Variants in MAST3 observed in about 807,000 individuals in gnomAD.
MAST3 encodes microtubule associated serine/threonine kinase 3.
In MAST3, 43 loss-of-function variants were observed where a neutral mutation model predicts 127.0. That is an observed-to-expected ratio of 0.34 (90% CI 0.27 to 0.44). The LOEUF is 0.44. Among genes scored for constraint, MAST3 ranks in the 20% least tolerant of loss-of-function variants. MAST3 has a pLI of 1.00. For synonymous variants in MAST3, 785 were observed against 809.2 expected (o/e 0.97, Z 0.51); for missense variants, 1,390 against 1,919.1 (o/e 0.72, Z 5.15).
At chr19:18,127,269 C>T (rs567111400) in intron 11 of MAST3, among the ~76,000 whole-genome samples, 2 of 148,498 alleles carry the variant, frequency 1.3e-5, no homozygotes, top group South Asian at 2.2e-4. Context: ...CATACTTGGC[C>T]GGGTGCGGTG....
At chr19:18,140,270 C>T (rs560499026) in intron 20 of MAST3, among the ~76,000 whole-genome samples, 2 of 109,914 alleles carry the variant, frequency 1.8e-5, no homozygotes, top group Admixed American at 2.0e-4. Flanking sequence ...CCCAGCTACT[C>T]GGGAGGCTGA....
rs751916877 is a variant in MAST3 at position 18,121,854 on chromosome 19, C to T, written c.252C>T (p.Gly84=). ...RPLSPLSVPT[G]SSPLDSPRNF... is the part of the protein sequence containing the mutation. ...GTTTCCCCGCCTCCTCCTCAGCAGG[C>T]AGCAGCCCCTTGGATAGTCCTCGGA... The change falls in exon 5 of 28, where the codon GGC becomes GGT. Residue 84 remains glycine (G), a splice_region_variant and synonymous_variant. Coordinates refer to ENST00000687212, the MANE Select transcript of MAST3 (RefSeq NM_001393504.1). 1.9e-6 allele frequency: 3 copies of T among 1,614,028 alleles called. No homozygotes were observed. Among genetic ancestry groups the T allele is most frequent in the Non-Finnish European group, 2.5e-6 (3 of 1,179,894 alleles).
intron 17 of MAST3, among the ~76,000 whole-genome samples, chr19:18,135,286 G>A (rs2041776080): frequency 6.6e-6 from 1 of 152,036 alleles, no homozygotes; most frequent in Admixed American, 6.6e-5. Context: ...ACAACATGGT[G>A]AAACCCCATC....
rs573739665 is a variant in MAST3 at position 18,123,365 on chromosome 19, G to A, written c.548G>A (p.Arg183His). Residue 183 changes from arginine to histidine, a missense_variant, in exon 7 of 28, where the codon CGC (arginine) becomes CAC (histidine). This residue lies in a region of MAST3 where 277 missense variants were observed against 384.8 expected (regional missense o/e 0.72). Transcript: ENST00000687212. Reference sequence around the variant, plus strand: ...TCACCCCGCCTCCGACCCCGCTCTCGCAGTCTCAGGTGGGCCGCGACCTCT... The same window carrying A: ...TCACCCCGCCTCCGACCCCGCTCTCACAGTCTCAGGTGGGCCGCGACCTCT... ...GRSPRLRPRS[R>H]SLSPGRATGT... 11 of 1,611,390 alleles carry A rather than the reference G, an allele frequency of 6.8e-6. No homozygotes were observed. The highest frequency in any genetic ancestry group is 2.2e-5 in the South Asian group (2 of 90,944).
At chr19:18,134,772 T>C in intron 16 of MAST3, 45 bp from the exon 17 acceptor site, 1 of 1,613,580 alleles carries the variant, frequency 6.2e-7, no homozygotes. Flanking sequence ...GGGACCTCTC[T>C]TGGGCTGGGG....
chr19:18,147,801 G>A lies in MAST3; in HGVS notation c.3508+177G>A, dbSNP rs2043185364. 4.6e-5 allele frequency among the ~76,000 whole-genome samples: 7 copies of A among 152,294 alleles called. No individual in the cohort carries two copies. In the South Asian group the frequency reaches 1.5e-3, roughly 32 times the overall value. ...ACTTAGAGACGAATGCAGGTGCCAG[G>A]GAAGGATGCACCCAGCAGAGGAAAC... On this transcript the variant is annotated intron_variant, in intron 27 of 27. Coordinates refer to ENST00000687212, the MANE Select transcript of MAST3 (RefSeq NM_001393504.1).
chr19:18,101,649 T>C (rs1342844856), intron 1 of MAST3, among the ~76,000 whole-genome samples: 1 of 152,074 alleles, frequency 6.6e-6, no homozygotes, highest in Non-Finnish European at 1.5e-5. Context: ...TCTCTTTTTT[T>C]AGACAGGATC....
At chr19:18,116,175 C>A (rs1296771985) in intron 3 of MAST3, among the ~76,000 whole-genome samples, 4 of 145,640 alleles carry the variant, frequency 2.7e-5, no homozygotes, top group Non-Finnish European at 4.5e-5. Flanking sequence ...CCCACTGCAA[C>A]CTCCACCTCC....
intron 15 of MAST3, among the ~76,000 whole-genome samples, chr19:18,133,120 G>A (rs145400235): frequency 9.3e-5 from 14 of 150,658 alleles, no homozygotes; most frequent in African/African-American, 3.2e-4. Context: ...AAAGCGCCTC[G>A]CATGTTTTCA....
rs1249528039 is a variant in MAST3, at chr19:18,124,388, C to G, written c.945+22C>G. 14 of 1,571,850 alleles carry G rather than the reference C, an allele frequency of 8.9e-6. No homozygotes were observed. In the African/African-American group the frequency reaches 1.9e-4, roughly 21 times the overall value. ...TCTGGTAAGTTTCTCTTTCTACGGCCAGCTTGGGGTCCAGGCAGAACTGAG... is the reference window on the plus strand; with the variant it reads ...TCTGGTAAGTTTCTCTTTCTACGGCGAGCTTGGGGTCCAGGCAGAACTGAG... On this transcript the variant is annotated intron_variant, in intron 10 of 27. Transcript: ENST00000687212.
intron 20 of MAST3, among the ~76,000 whole-genome samples, chr19:18,140,430 CATA>C (rs993350631): frequency 3.9e-5 from 6 of 152,178 alleles, no homozygotes; most frequent in Non-Finnish European, 8.8e-5. Context: ...TCAGCACATT[CATA>C]ATGTTGTGCA....
At chr19:18,132,164 G>A (rs2041380071) in intron 15 of MAST3, 117 bp downstream of exon 15, 1 of 1,389,152 alleles carries the variant, frequency 7.2e-7, no homozygotes, top group Non-Finnish European at 9.7e-7. Flanking sequence ...CCCTTCAGGA[G>A]CCCCATCTGT....
intron 1 of MAST3, among the ~76,000 whole-genome samples, chr19:18,103,897 G>GT (rs2037849907): frequency 1.3e-5 from 2 of 152,188 alleles, no homozygotes; most frequent in South Asian, 4.1e-4. Flanking sequence ...TTCACGTGGG[G>GT]TAGTGGAGGA....
rs757712432 is a variant in MAST3, at chr19:18,121,690, G to A, written c.167G>A (p.Arg56His). The change falls in exon 4 of 28, where the codon CGC becomes CAC. Residue 56 changes from arginine to histidine, a missense_variant. Arg to His is a conservative substitution (Grantham distance 29). Transcript: ENST00000687212. ...GTCCCCTTTTCCCCCCACAGCTGCC[G>A]CAGCGGGAACCGCAAGAGCTTGGTG... ...PSLGLHPWSC[R>H]SGNRKSLVVG... The A allele has an allele frequency of 1.5e-5, 25 of 1,613,702 alleles. No individual in the cohort carries two copies. The highest frequency in any genetic ancestry group is 2.2e-5 in the East Asian group (1 of 44,886).
rs757541530 is a variant in MAST3, at chr19:18,137,313, G to A, written c.2047G>A (p.Glu683Lys). 5.0e-6 allele frequency: 8 copies of A among 1,613,750 alleles called. No individual in the cohort carries two copies. The highest frequency in any genetic ancestry group is 2.2e-5 in the South Asian group (2 of 91,090). ...DWAGLLRHKA[E>K]FVPQLEAEDD... ...GGCAGGGCTTCTCCGACACAAAGCC[G>A]AGTTCGTGCCCCAGCTCGAAGCTGA... The change falls in exon 19 of 28, where the codon GAG (glutamate) becomes AAG (lysine). Residue 683 changes from glutamate to lysine, a missense_variant. Physicochemically the swap from Glu to Lys is moderately conservative, Grantham distance 56. Transcript: ENST00000687212.
intron 15 of MAST3, among the ~76,000 whole-genome samples, chr19:18,132,382 A>G (rs2041409927): frequency 6.6e-6 from 1 of 152,196 alleles, no homozygotes; most frequent in African/African-American, 2.4e-5. Context: ...GGGGCTGCGC[A>G]CCCAGAGCTG....
intron 10 of MAST3, 21 bp downstream of exon 10, chr19:18,124,387 C>A (rs1011238087): frequency 1.5e-5 from 23 of 1,573,896 alleles, no homozygotes; most frequent in African/African-American, 2.7e-5. Flanking sequence ...CTTTCTACGG[C>A]CAGCTTGGGG....
rs537714144 is a variant in MAST3 at position 18,123,212 on chromosome 19, A to T, written c.400-5A>T. On this transcript the variant is annotated splice_polypyrimidine_tract_variant and splice_region_variant and intron_variant, in intron 6 of 27. Coordinates refer to ENST00000687212, the MANE Select transcript of MAST3 (RefSeq NM_001393504.1). The stretch of plus-strand genomic sequence containing the variant: ...ATGGCTCTGATCCCCACCACTCTCT[A>T]CCAGTCAAGCTCATCCTCCCGGGAA... The T allele has an allele frequency of 2.5e-6, 4 of 1,613,430 alleles. No individual in the cohort carries two copies. The highest frequency in any genetic ancestry group is 3.4e-6 in the Non-Finnish European group (4 of 1,179,838).
rs61501122 is a variant in MAST3, at chr19:18,149,985, C to CT, written c.*278dup. On this transcript the variant is annotated 3_prime_UTR_variant, in exon 28 of 28. Transcript: ENST00000687212. The surrounding 1 kb of genome is among the most constrained non-coding windows in gnomAD (Gnocchi z 5.9). ...GCAACTAATTTATTACTTTTTTTTTCTTTTTTTTTTTTTTTTTTTGAGACA... is the reference window on the plus strand; with the variant it reads ...GCAACTAATTTATTACTTTTTTTTTCTTTTTTTTTTTTTTTTTTTTGAGACA... 4.8e-3 allele frequency: 929 copies of CT among 195,210 alleles called. 4 individuals are homozygous for CT. The highest frequency in any genetic ancestry group is 0.011 in the African/African-American group (263 of 24,798). 12.1% of individuals were successfully genotyped at this position (195,210 alleles called of 1,614,324 possible). A position where few individuals can be genotyped will look rare whatever the true frequency, so the allele number is the denominator to read the frequency against.
Sources: gnomAD v4.1 joint callset for allele counts (sites outside exome capture counted in the v4.1 genomes callset) on GRCh38, gnomAD v4.1.1 for gene constraint, gnomAD v4.1.1 regional missense constraint, Gnocchi (gnomAD v3.1) non-coding constraint, MANE v1.5 for transcripts, NCBI Gene and HGNC (gene_info 2026-07-23, HGNC 2026-07-21) for gene names.